Variants in ZNF609 observed in about 807,000 individuals in gnomAD.
ZNF609 encodes zinc finger protein 609.
Under a neutral mutation model 109.5 loss-of-function variants are expected in ZNF609, and 11 were observed. The ratio of observed to expected loss-of-function variants is 0.10; its 90% CI spans 0.06 to 0.17. The LOEUF (loss-of-function observed/expected upper bound fraction) is 0.17. Ranked by LOEUF, ZNF609 falls within the 10% of genes least tolerant of loss-of-function variation. ZNF609 has a pLI of 1.00. For synonymous variants in ZNF609, 646 were observed against 662.0 expected, an observed-to-expected ratio of 0.98 and a Z score of 0.37; for missense variants, 1,559 against 1,772.4, an observed-to-expected ratio of 0.88 and a Z score of 2.16.
intron 2 of ZNF609, among the ~76,000 whole-genome samples, chr15:64,520,120 G>A (rs1893870565): frequency 6.6e-6 from 1 of 152,144 alleles, no homozygotes; most frequent in South Asian, 2.1e-4. Context: ...AGAGCATAAG[G>A]AGTCTTGCAT....
chr15:64,670,920 G>A (rs1253797693), intron 4 of ZNF609, among the ~76,000 whole-genome samples: 1 of 149,502 alleles, frequency 6.7e-6, no homozygotes, highest in Non-Finnish European at 1.5e-5. Flanking sequence ...GTATTAAAGT[G>A]TTCGGGGGGC....
chr15:64,506,397 A>G (rs917298219), intron 2 of ZNF609, among the ~76,000 whole-genome samples: 21 of 145,512 alleles, frequency 1.4e-4, no homozygotes, highest in African/African-American at 4.7e-4. Context: ...TGCTGGGATT[A>G]CAGGCATGAG....
rs1373276966 is a variant in ZNF609, at chr15:64,681,387, G to A, written c.*5G>A. 6.2e-7 allele frequency: 1 copy of A among 1,613,238 alleles called. No individual in the cohort carries two copies. The highest frequency in any genetic ancestry group is 1.1e-5 in the South Asian group (1 of 91,058). On this transcript the variant is annotated splice_region_variant and 3_prime_UTR_variant, in exon 9 of 10. Transcript: ENST00000326648. ...TACCCACCCCCCAGGAGGTGAGAAT[G>A]GTAAGTCACTTTTATTAATTTGGGG...
chr15:64,550,091 A>G (rs935627533), intron 2 of ZNF609, among the ~76,000 whole-genome samples: 2 of 152,098 alleles, frequency 1.3e-5, no homozygotes, highest in African/African-American at 2.4e-5. Flanking sequence ...AGCTAGGGCT[A>G]CAGGCATGCA....
At position 64,680,192 on chromosome 15, in the gene ZNF609, C is replaced by T. The variant is rs200173822; in HGVS notation, c.3777C>T (p.Tyr1259=). 1.9e-4 allele frequency: 309 copies of T among 1,614,126 alleles called. 2 individuals are homozygous for T. The Admixed American group carries it at 5.0e-3, about 26-fold the overall frequency. The change falls in exon 7 of 10, where the codon TAC becomes TAT. Residue 1259 remains tyrosine, a synonymous_variant. Transcript: ENST00000326648. The part of the protein sequence containing the change: ...AVMMQNYPGS[Y]LPSSYSFSPY... ...TGATTTCTCCTTCCACAGGTTCCTA[C>T]CTGCCTTCCAGCTACTCTTTTTCCC...
At chr15:64,519,294 T>C (rs1893859027) in intron 2 of ZNF609, among the ~76,000 whole-genome samples, 1 of 152,086 alleles carries the variant, frequency 6.6e-6, no homozygotes, top group Non-Finnish European at 1.5e-5. Flanking sequence ...TCTAAAGATT[T>C]AAGAGTTTAT....
chr15:64,680,948 C>A, intron 8 of ZNF609, 86 bp downstream of exon 8: 2 of 1,442,608 alleles, frequency 1.4e-6, no homozygotes, highest in South Asian at 1.2e-5. Flanking sequence ...ACAGCTAGGA[C>A]CCTCCTACCT....
chr15:64,469,054 A>C (rs1422754826), intron 1 of ZNF609, among the ~76,000 whole-genome samples: 2 of 135,426 alleles, frequency 1.5e-5, no homozygotes, highest in African/African-American at 2.6e-5. Flanking sequence ...AAAAAAAAAA[A>C]AACAACACAA....
intron 3 of ZNF609, among the ~76,000 whole-genome samples, chr15:64,640,480 G>A (rs1332406251): frequency 1.3e-5 from 2 of 151,974 alleles, no homozygotes; most frequent in Admixed American, 1.3e-4. Context: ...GAGGTTACCA[G>A]AAAGAAAAAT....
In ZNF609 at chr15:64,678,424, C is replaced by T. The variant is rs111353527; in HGVS notation, c.3711C>T (p.Tyr1237=). The change falls in exon 6 of 10, where the codon TAC becomes TAT. Residue 1237 remains tyrosine (Y), a synonymous_variant. Coordinates refer to ENST00000326648, the MANE Select transcript of ZNF609 (RefSeq NM_015042.2). ...YMHGYSYSQS[Y]DPNHPSYRSM... ...ACGGCTATTCCTACAGTCAGTCCTACGACCCCAACCACCCCAGCTACCGGA... is the reference window on the plus strand; with the variant it reads ...ACGGCTATTCCTACAGTCAGTCCTATGACCCCAACCACCCCAGCTACCGGA... 3.1e-4 allele frequency: 495 copies of T among 1,610,400 alleles called. No individual in the cohort carries two copies. Among genetic ancestry groups the T allele is most frequent in the Non-Finnish European group, 3.7e-4 (441 of 1,178,008 alleles).
chr15:64,579,243 AAG>A (rs1207188068), intron 2 of ZNF609, among the ~76,000 whole-genome samples: 5 of 151,928 alleles, frequency 3.3e-5, no homozygotes, highest in Non-Finnish European at 7.4e-5. Context: ...AGAAAACAAA[AAG>A]AAGTGATGGT....
intron 2 of ZNF609, among the ~76,000 whole-genome samples, chr15:64,521,666 A>G (rs778029656): frequency 6.6e-6 from 1 of 152,122 alleles, no homozygotes; most frequent in Non-Finnish European, 1.5e-5. Flanking sequence ...GGGAACCTTC[A>G]ATTTATTTTG....
chr15:64,630,045 T>C (rs1238362525), intron 3 of ZNF609, among the ~76,000 whole-genome samples: 1 of 151,958 alleles, frequency 6.6e-6, no homozygotes, highest in Non-Finnish European at 1.5e-5. Context: ...TCTCTTTCCT[T>C]CTCTGTTTCT....
chr15:64,596,216 C>T (rs1213884792), intron 2 of ZNF609, among the ~76,000 whole-genome samples: 2 of 151,938 alleles, frequency 1.3e-5, no homozygotes, highest in Non-Finnish European at 2.9e-5. Flanking sequence ...TGCAGCGGCG[C>T]GATCTCAGCT....
At chr15:64,482,127 A>G (rs1246508102) in intron 1 of ZNF609, among the ~76,000 whole-genome samples, 10 of 152,182 alleles carry the variant, frequency 6.6e-5, no homozygotes, top group Non-Finnish European at 1.0e-4. Context: ...AAGGTCAGCT[A>G]GAGAATTGGT....
At chr15:64,663,274 T>G (rs1037277088) in intron 3 of ZNF609, among the ~76,000 whole-genome samples, 31 of 152,280 alleles carry the variant, frequency 2.0e-4, no homozygotes, top group African/African-American at 6.7e-4. Context: ...CAAAAAGATT[T>G]GCTGATGGTC....
At chr15:64,497,571 A>G (rs761714314) in intron 1 of ZNF609, among the ~76,000 whole-genome samples, 40 of 152,142 alleles carry the variant, frequency 2.6e-4, no homozygotes, top group Admixed American at 1.5e-3. Context: ...TCACTGTGAC[A>G]CTACTGGCTT....
At position 64,674,776 on chromosome 15, in the gene ZNF609, C is replaced by G; in HGVS notation, c.1922C>G (p.Ser641Cys). ...GAAAAAGAAAAATGTAAAAAACCCT[C>G]TAGTTTAAAACCTGAAAAGATTCCT... ...CMEKEKCKKP[S>C]SLKPEKIPSK... Residue 641 changes from serine to cysteine, a missense_variant, in exon 5 of 10, where the codon TCT becomes TGT. Transcript: ENST00000326648. 1 of 1,614,012 alleles carries G rather than the reference C, an allele frequency of 6.2e-7. No individual in the cohort carries two copies. Among genetic ancestry groups the G allele is most frequent in the Non-Finnish European group, 8.5e-7 (1 of 1,180,002 alleles).
chr15:64,490,659 G>C (rs1049882367), intron 1 of ZNF609, among the ~76,000 whole-genome samples: 4 of 152,092 alleles, frequency 2.6e-5, no homozygotes, highest in African/African-American at 9.7e-5. Flanking sequence ...TTTAGTAAGG[G>C]TTTTCTATGT....
Sources: gnomAD v4.1 joint callset for allele counts (sites outside exome capture counted in the v4.1 genomes callset) on GRCh38, gnomAD v4.1.1 for gene constraint, MANE v1.5 for transcripts, NCBI Gene and HGNC (gene_info 2026-07-23, HGNC 2026-07-21) for gene names.